MAP9: variants seen among roughly 807,000 people sequenced by gnomAD.
MAP9 encodes microtubule-associated protein 9.
A neutral mutation model predicts 75.2 loss-of-function variants in MAP9; 80 were observed. That is an observed-to-expected ratio of 1.06 (90% CI 0.89 to 1.28). The LOEUF (loss-of-function observed/expected upper bound fraction) is 1.28. Among genes scored for constraint, MAP9 ranks in the 50% most tolerant of loss-of-function variants. The pLI, the probability that MAP9 is intolerant of heterozygous loss-of-function variation, is 0.00. For synonymous variants in MAP9, 235 were observed against 237.3 expected, an observed-to-expected ratio of 0.99 and a Z score of 0.09; for missense variants, 753 against 719.9, an observed-to-expected ratio of 1.05 and a Z score of -0.53.
intron 4 of MAP9, among the ~76,000 whole-genome samples, chr4:155,371,105 T>C (rs1034505942): frequency 3.9e-5 from 6 of 152,156 alleles, no homozygotes; most frequent in Non-Finnish European, 7.3e-5. Flanking sequence ...CTGTGAAAAA[T>C]ACTTTCACTT....
At chr4:155,355,958 C>G in intron 8 of MAP9, 74 bp from the exon 9 acceptor site, 1 of 1,323,750 alleles carries the variant, frequency 7.6e-7, no homozygotes, top group Non-Finnish European at 1.0e-6. Flanking sequence ...TTAGAATATG[C>G]ACGTATAATA....
At chr4:155,370,813 A>G (rs1313245462) in intron 4 of MAP9, among the ~76,000 whole-genome samples, 4 of 152,256 alleles carry the variant, frequency 2.6e-5, no homozygotes, top group African/African-American at 9.6e-5. Flanking sequence ...TTTATAAACA[A>G]ACGCTAAATA....
intron 8 of MAP9, 144 bp downstream of exon 8, chr4:155,357,304 TG>T (rs1316705736): frequency 1.6e-6 from 1 of 640,376 alleles, no homozygotes; most frequent in African/African-American, 1.8e-5. Flanking sequence ...GGTTTTATCA[TG>T]AAGTTAACTA....
rs1731997021 is a variant in MAP9 at position 155,360,043 on chromosome 4, A to G, written c.1050+125T>C. ...AGTAAGAACCATGTGACAATACAATATCACTATCAAAAGATAAATTTTCCA... is the reference window on the plus strand; with the variant it reads ...AGTAAGAACCATGTGACAATACAATGTCACTATCAAAAGATAAATTTTCCA... On this transcript the variant is annotated intron_variant, in intron 7 of 13. Transcript: ENST00000311277. The G allele has an allele frequency of 1.7e-5, 15 of 859,648 alleles. No homozygotes were observed. The South Asian group carries it at 2.2e-4, about 13-fold the overall frequency. The allele number at this position is 859,648 out of a possible 1,614,324, so 53.3% of individuals were successfully genotyped here. A position where few individuals can be genotyped will look rare whatever the true frequency, so the allele number is the denominator to read the frequency against.
In MAP9 at chr4:155,342,778, C is replaced by T. The variant is rs1731160427; in HGVS notation, c.*5005G>A. ...GCAAGGTTAATCCTGTATGTGAAAA[C>T]CTCTGAGTGACTATCTCAAAGTGTA... On this transcript the variant is annotated 3_prime_UTR_variant, in exon 14 of 14. Coordinates refer to ENST00000311277, the MANE Select transcript of MAP9 (RefSeq NM_001039580.2). 1 of 151,796 alleles carries T rather than the reference C, an allele frequency of 6.6e-6. No homozygotes were observed. The highest frequency in any genetic ancestry group is 1.5e-5 in the Non-Finnish European group (1 of 67,912). 9.4% of individuals were successfully genotyped at this position (151,796 alleles called of 1,614,324 possible).
chr4:155,356,608 A>T (rs1731799415), intron 8 of MAP9, among the ~76,000 whole-genome samples: 1 of 152,146 alleles, frequency 6.6e-6, no homozygotes. Context: ...ATTAGAAAGA[A>T]TAGTACTATC....
intron 8 of MAP9, 189 bp downstream of exon 8, chr4:155,357,260 A>G: frequency 7.2e-6 from 4 of 557,782 alleles, no homozygotes; most frequent in Non-Finnish European, 1.3e-5. Flanking sequence ...CTTTTTATAA[A>G]TTACTTTATT....
chr4:155,376,682 C>A (rs964885583), intron 1 of MAP9, 89 bp downstream of exon 1: 4 of 153,144 alleles, frequency 2.6e-5, no homozygotes, highest in African/African-American at 9.6e-5. Flanking sequence ...CCCCCAGGTC[C>A]CGCTTTCTGT....
chr4:155,351,985 T>C (rs1731532970), intron 13 of MAP9, among the ~76,000 whole-genome samples: 1 of 152,024 alleles, frequency 6.6e-6, no homozygotes, highest in Non-Finnish European at 1.5e-5. Flanking sequence ...TATATTGATA[T>C]TCTAAAATGG....
rs967199779 is a variant in MAP9 at position 155,355,843 on chromosome 4, C to A, written c.1163G>T (p.Arg388Met). 1 of 1,613,372 alleles carries A rather than the reference C, an allele frequency of 6.2e-7. No individual in the cohort carries two copies. Among genetic ancestry groups the A allele is most frequent in the Non-Finnish European group, 8.5e-7 (1 of 1,179,674 alleles). The stretch of plus-strand genomic sequence containing the variant: ...AGAGGTAGTTGTCGATGGAGTTCTC[C>A]TTTTAGAACTAGATTTCTTCAAAAA... The part of the protein sequence containing the change: ...SEFLKKSSSK[R>M]RTPSTTTSSH... The change falls in exon 9 of 14, where the codon AGG becomes ATG. Residue 388 changes from arginine to methionine, a missense_variant. Transcript: ENST00000311277.
chr4:155,359,034 T>C (rs1046898077), intron 7 of MAP9, among the ~76,000 whole-genome samples: 5 of 151,934 alleles, frequency 3.3e-5, no homozygotes, highest in Non-Finnish European at 5.9e-5. Flanking sequence ...AGGAACTAAA[T>C]ATAGAACTAC....
chr4:155,357,525 A>C lies in MAP9; in HGVS notation c.1051-6T>G. ...TTTCTATCTTCAATTGTTTTCTATT[A>C]AACAGAAAATGCCAAAGATGATTTA... On this transcript the variant is annotated splice_region_variant and splice_polypyrimidine_tract_variant and intron_variant, in intron 7 of 13. Transcript: ENST00000311277. The C allele has an allele frequency of 6.8e-7, 1 of 1,466,858 alleles. No homozygotes were observed. Among genetic ancestry groups the C allele is most frequent in the South Asian group, 1.2e-5 (1 of 86,616 alleles). The allele number at this position is 1,466,858 out of a possible 1,614,324, so 90.9% of individuals were successfully genotyped here.
At position 155,360,226 on chromosome 4, in the gene MAP9, G is replaced by C; in HGVS notation, c.992C>G (p.Pro331Arg). 6.2e-7 allele frequency: 1 copy of C among 1,612,490 alleles called. No homozygotes were observed. Among genetic ancestry groups the C allele is most frequent in the Non-Finnish European group, 8.5e-7 (1 of 1,178,832 alleles). The change falls in exon 7 of 14, where the codon CCA becomes CGA. Residue 331 changes from proline (P) to arginine (R), a missense_variant. Coordinates refer to ENST00000311277, the MANE Select transcript of MAP9 (RefSeq NM_001039580.2). ...LIMDDDRTVDPLLSKSQSILI... is the reference protein window; with the variant it reads ...LIMDDDRTVDRLLSKSQSILI... ...GATACTCTGAGATTTAGATAGTAGT[G>C]GATCAACTGTTCTGTCATCATCCAT...
Position 155,346,991 on chromosome 4 carries a change from A to ATAAT in MAP9, c.*788_*791dup, listed in dbSNP as rs1470623295. 3.9e-5 allele frequency: 6 copies of ATAAT among 152,312 alleles called. No individual in the cohort carries two copies. The highest frequency in any genetic ancestry group is 7.3e-5 in the Non-Finnish European group (5 of 68,034). 9.4% of individuals were successfully genotyped at this position (152,312 alleles called of 1,614,324 possible). A position where few individuals can be genotyped will look rare whatever the true frequency, so the allele number is the denominator to read the frequency against. ...CACCTTTATGGCTTTAGTCAGGAAA[A>ATAAT]TAATTATAGTGATAATGACCTTGAA... On this transcript the variant is annotated 3_prime_UTR_variant, in exon 14 of 14. Transcript: ENST00000311277.
rs921519589 is a variant in MAP9 at position 155,373,056 on chromosome 4, C to T, written c.481+80G>A. 1.4e-5 allele frequency: 12 copies of T among 888,076 alleles called. No individual in the cohort carries two copies. The African/African-American group carries it at 2.1e-4, about 15-fold the overall frequency. 55.0% of individuals were successfully genotyped at this position (888,076 alleles called of 1,614,324 possible). A position where few individuals can be genotyped will look rare whatever the true frequency, so the allele number is the denominator to read the frequency against. On this transcript the variant is annotated intron_variant, in intron 4 of 13. Transcript: ENST00000311277. ...TCTTTTTTTCTTAAATATATACTAG[C>T]TACCATATAAAAATTTTGGGACTGA...
chr4:155,358,741 C>T (rs1252686212), intron 7 of MAP9, among the ~76,000 whole-genome samples: 1 of 151,600 alleles, frequency 6.6e-6, no homozygotes, highest in African/African-American at 2.4e-5. Context: ...ACAAATAACC[C>T]CACTAAAAAG....
chr4:155,348,927 T>A (rs574411872), intron 13 of MAP9, among the ~76,000 whole-genome samples: 5 of 152,268 alleles, frequency 3.3e-5, no homozygotes, highest in Non-Finnish European at 7.4e-5. Context: ...AATAATTTTT[T>A]AAAATCCCAA....
In MAP9 at chr4:155,373,116, C is replaced by G. The variant is rs1375815089; in HGVS notation, c.481+20G>C. On this transcript the variant is annotated intron_variant, in intron 4 of 13. Coordinates refer to ENST00000311277, the MANE Select transcript of MAP9 (RefSeq NM_001039580.2). Reference sequence around the variant, plus strand: ...AATAAACTTCCAAGAAATGCAATTACAGTAATCCTAACAAATTACCTGAAG... The same window carrying G: ...AATAAACTTCCAAGAAATGCAATTAGAGTAATCCTAACAAATTACCTGAAG... The G allele has an allele frequency of 6.8e-7, 1 of 1,466,358 alleles. No individual in the cohort carries two copies. Among genetic ancestry groups the G allele is most frequent in the Non-Finnish European group, 9.1e-7 (1 of 1,093,560 alleles). The allele number at this position is 1,466,358 out of a possible 1,614,324, so 90.8% of individuals were successfully genotyped here. A position where few individuals can be genotyped will look rare whatever the true frequency, so the allele number is the denominator to read the frequency against.
chr4:155,348,799 C>T (rs896208549), intron 13 of MAP9, among the ~76,000 whole-genome samples: 5 of 152,092 alleles, frequency 3.3e-5, no homozygotes, highest in African/African-American at 9.7e-5. Context: ...TTGCATCAAA[C>T]ATTTTGCCTA....
Sources: gnomAD v4.1 joint callset for allele counts (sites outside exome capture counted in the v4.1 genomes callset) on GRCh38, gnomAD v4.1.1 for gene constraint, MANE v1.5 for transcripts, NCBI Gene and HGNC (gene_info 2026-07-23, HGNC 2026-07-21) for gene names.